Variants in IGF1R observed in about 807,000 individuals in gnomAD.
The protein encoded by IGF1R is insulin like growth factor 1 receptor.
IGF1R carries 44 observed loss-of-function variants against 144.6 expected under a neutral mutation model. That is an observed-to-expected ratio of 0.30 (90% CI 0.24 to 0.39). The LOEUF is 0.39. Among genes scored for constraint, IGF1R ranks in the 10% least tolerant of loss-of-function variants. IGF1R has a pLI of 1.00. For missense variants in IGF1R, 1,355 were observed against 1,833.7 expected (o/e 0.74, Z 4.77); for synonymous variants, 795 against 722.8 (o/e 1.10, Z -1.60).
intron 2 of IGF1R, among the ~76,000 whole-genome samples, chr15:98,807,019 T>G (rs2141448892): frequency 6.6e-6 from 1 of 152,022 alleles, no homozygotes; most frequent in East Asian, 1.9e-4. Context: ...AAAAGAAAAT[T>G]GGAGAATTTA....
chr15:98,653,290 G>A (rs2052413197), intron 1 of IGF1R, among the ~76,000 whole-genome samples: 1 of 152,158 alleles, frequency 6.6e-6, no homozygotes, highest in African/African-American at 2.4e-5. Flanking sequence ...TCAGGATAGA[G>A]TTTAGGAGCT....
Position 98,964,484 on chromosome 15 carries a change from A to G in IGF1R, c.*7042A>G. 1 of 207,870 alleles carries G rather than the reference A, an allele frequency of 4.8e-6. No homozygotes were observed. The highest frequency in any genetic ancestry group is 9.1e-6 in the Non-Finnish European group (1 of 110,430). 12.9% of individuals were successfully genotyped at this position (207,870 alleles called of 1,614,324 possible). On this transcript the variant is annotated 3_prime_UTR_variant, in exon 21 of 21. Coordinates refer to ENST00000650285, the MANE Select transcript of IGF1R (RefSeq NM_000875.5). ...AGTTTCTCTTACTCTGCTTTTTTCT[A>G]GTAAAGTACTACATGGTTTAAGTTA...
chr15:98,794,528 T>C (rs1034938437), intron 2 of IGF1R, among the ~76,000 whole-genome samples: 1 of 152,154 alleles, frequency 6.6e-6, no homozygotes, highest in Non-Finnish European at 1.5e-5. Flanking sequence ...CATTTCTGTT[T>C]TTATTTACAA....
chr15:98,948,920 C>T (rs950957349), intron 20 of IGF1R, among the ~76,000 whole-genome samples: 2 of 152,342 alleles, frequency 1.3e-5, no homozygotes, highest in East Asian at 3.9e-4. Context: ...ACCCCATATT[C>T]CGTAATGCTT....
chr15:98,765,951 G>T (rs932087423), intron 2 of IGF1R, among the ~76,000 whole-genome samples: 1 of 152,192 alleles, frequency 6.6e-6, no homozygotes, highest in Non-Finnish European at 1.5e-5. Flanking sequence ...AAGGGAGAGG[G>T]TGTCTGGTTC....
intron 2 of IGF1R, among the ~76,000 whole-genome samples, chr15:98,831,657 G>A (rs1470869656): frequency 2.0e-5 from 3 of 152,218 alleles, no homozygotes; most frequent in Admixed American, 1.3e-4. Flanking sequence ...TCAAGAAAAT[G>A]GCCAGATGGT....
intron 2 of IGF1R, among the ~76,000 whole-genome samples, chr15:98,854,738 G>A (rs1036623032): frequency 6.6e-6 from 1 of 152,150 alleles, no homozygotes; most frequent in Non-Finnish European, 1.5e-5. Context: ...ATAAGTCGGG[G>A]GAATAGAAGA....
At chr15:98,808,427 C>T (rs1357368606) in intron 2 of IGF1R, among the ~76,000 whole-genome samples, 1 of 152,180 alleles carries the variant, frequency 6.6e-6, no homozygotes, top group Non-Finnish European at 1.5e-5. Context: ...TTGCATTGAA[C>T]TGTGATATAA....
At chr15:98,850,965 G>C (rs751449794) in intron 2 of IGF1R, among the ~76,000 whole-genome samples, 1 of 152,148 alleles carries the variant, frequency 6.6e-6, no homozygotes, top group Non-Finnish European at 1.5e-5. Context: ...TACTGAGGTG[G>C]AGAAACCTGC....
intron 2 of IGF1R, among the ~76,000 whole-genome samples, chr15:98,778,230 A>T (rs991201096): frequency 2.0e-5 from 3 of 152,194 alleles, no homozygotes; most frequent in Admixed American, 1.3e-4. Flanking sequence ...GTCATGCCAC[A>T]TGGTGACTGG....
At chr15:98,877,631 G>C (rs1213570138) in intron 2 of IGF1R, among the ~76,000 whole-genome samples, 1 of 151,546 alleles carries the variant, frequency 6.6e-6, no homozygotes, top group Admixed American at 6.6e-5. Context: ...CACTGAATAG[G>C]TGTGTATCCT....
chr15:98,726,822 C>T (rs1362430285), intron 2 of IGF1R, among the ~76,000 whole-genome samples: 1 of 149,610 alleles, frequency 6.7e-6, no homozygotes, highest in African/African-American at 2.5e-5. Flanking sequence ...CGGGTTCAGG[C>T]AATTCTCCTG....
chr15:98,882,931 G>A, intron 2 of IGF1R, among the ~76,000 whole-genome samples: 1 of 152,230 alleles, frequency 6.6e-6, no homozygotes, highest in East Asian at 1.9e-4. Context: ...TGTGCACACT[G>A]AGAATTCTGC....
At chr15:98,873,196 T>C (rs1051189453) in intron 2 of IGF1R, among the ~76,000 whole-genome samples, 6 of 152,340 alleles carry the variant, frequency 3.9e-5, no homozygotes, top group African/African-American at 7.2e-5. Context: ...ACAAGACTTA[T>C]TGATGCATGT....
chr15:98,703,128 C>T (rs1469573241), intron 1 of IGF1R, among the ~76,000 whole-genome samples: 3 of 152,038 alleles, frequency 2.0e-5, no homozygotes, highest in Non-Finnish European at 4.4e-5. Flanking sequence ...TCCAGCTGTA[C>T]CCTTTCTCTC....
rs180793659 is a variant in IGF1R at position 98,829,319 on chromosome 15, G to A, written c.641-62006G>A. The stretch of plus-strand genomic sequence containing the variant: ...TGCTAAGTAACCAAAGTACTGCTGC[G>A]ATGGAATTGCTCTGATGTTTTTTTC... On this transcript the variant is annotated intron_variant, in intron 2 of 20. Coordinates refer to ENST00000650285, the MANE Select transcript of IGF1R (RefSeq NM_000875.5). 3.4e-3 allele frequency among the ~76,000 whole-genome samples: 517 copies of A among 151,764 alleles called. 1 individual carries two copies. The highest frequency in any genetic ancestry group is 3.2e-3 in the Non-Finnish European group (216 of 67,988).
Position 98,957,162 on chromosome 15 carries a change from G to A in IGF1R, c.3824G>A (p.Arg1275Gln), listed in dbSNP as rs556294716. ...AAAGAGGAGATGGAGCCTGGCTTCC[G>A]GGAGGTCTCCTTCTACTACAGCGAG... is the stretch of plus-strand genomic sequence containing the variant. ...SIKEEMEPGFREVSFYYSEEN... is the reference protein window; with the variant it reads ...SIKEEMEPGFQEVSFYYSEEN... The change falls in exon 21 of 21, where the codon CGG (arginine) becomes CAG (glutamine). Residue 1275 changes from arginine to glutamine, a missense_variant. Arg to Gln is a conservative substitution (Grantham distance 43). Coordinates refer to ENST00000650285, the MANE Select transcript of IGF1R (RefSeq NM_000875.5). 16 of 1,614,232 alleles carry A rather than the reference G, an allele frequency of 9.9e-6. No individual in the cohort carries two copies. The highest frequency in any genetic ancestry group is 2.2e-5 in the South Asian group (2 of 91,084).
At chr15:98,859,331 C>A (rs1293235349) in intron 2 of IGF1R, among the ~76,000 whole-genome samples, 1 of 152,220 alleles carries the variant, frequency 6.6e-6, no homozygotes, top group Non-Finnish European at 1.5e-5. Context: ...AATAAATTGT[C>A]TACCTCACAC....
chr15:98,956,863 G>A (rs1162231514), intron 20 of IGF1R, among the ~76,000 whole-genome samples, 198 bp from the exon 21 acceptor site: 1 of 152,184 alleles, frequency 6.6e-6, no homozygotes, highest in African/African-American at 2.4e-5. Flanking sequence ...GAATGGAACC[G>A]TACGAGGTAA....
Sources: allele counts gnomAD v4.1 joint callset (sites outside exome capture counted in the v4.1 genomes callset), GRCh38; gene constraint gnomAD v4.1.1; transcripts MANE v1.5; gene names NCBI Gene and HGNC (gene_info 2026-07-23, HGNC 2026-07-21).